SLC24A2: variants seen among roughly 807,000 people sequenced by gnomAD.
SLC24A2 encodes solute carrier family 24 member 2, also known as sodium/potassium/calcium exchanger 2.
In SLC24A2, 36 loss-of-function variants were observed where a neutral mutation model predicts 62.0. The ratio of observed to expected loss-of-function variants is 0.58; its 90% CI spans 0.44 to 0.77. The LOEUF (loss-of-function observed/expected upper bound fraction) is 0.77. Among genes scored for constraint, SLC24A2 ranks in the 30% least tolerant of loss-of-function variants. SLC24A2 has a pLI of 0.00. For synonymous variants in SLC24A2, 358 were observed against 294.0 expected (o/e 1.22, Z -2.23); for missense variants, 846 against 817.9 (o/e 1.03, Z -0.42).
the SLC24A2 span, among the ~76,000 whole-genome samples, chr9:19,831,509 A>C: frequency 1.3e-5 from 2 of 152,240 alleles, no homozygotes; most frequent in African/African-American, 4.8e-5. Context: ...TGCATTTTTA[A>C]AGCATGTCCC....
chr9:20,161,371 T>C, the SLC24A2 span, among the ~76,000 whole-genome samples: 8 of 151,430 alleles, frequency 5.3e-5, no homozygotes, highest in African/African-American at 1.2e-4. Flanking sequence ...TTAAAAATTC[T>C]TTTTGAAGTA....
the SLC24A2 span, among the ~76,000 whole-genome samples, chr9:19,973,066 AGTGGT>A: frequency 6.6e-6 from 1 of 152,172 alleles, no homozygotes; most frequent in Admixed American, 6.5e-5. Context: ...AGCCAGGTGC[AGTGGT>A]GTGCGACTGT....
the SLC24A2 span, among the ~76,000 whole-genome samples, chr9:19,881,090 C>T: frequency 6.6e-6 from 1 of 152,128 alleles, no homozygotes; most frequent in Non-Finnish European, 1.5e-5. Context: ...ATACTTAGAA[C>T]TAGGCACAAA....
chr9:20,144,415 G>C, the SLC24A2 span, among the ~76,000 whole-genome samples: 1 of 152,182 alleles, frequency 6.6e-6, no homozygotes, highest in South Asian at 2.1e-4. Context: ...ACGGATGTCT[G>C]TTAGCTCGCT....
the SLC24A2 span, among the ~76,000 whole-genome samples, chr9:20,144,956 T>G: frequency 6.6e-6 from 1 of 152,136 alleles, no homozygotes; most frequent in Non-Finnish European, 1.5e-5. Context: ...CAAAGAAGGA[T>G]AATAGACTTT....
chr9:19,844,730 G>T, the SLC24A2 span, among the ~76,000 whole-genome samples: 3 of 152,054 alleles, frequency 2.0e-5, no homozygotes, highest in South Asian at 6.2e-4. Context: ...TCATTCTTCT[G>T]CGTAAGGCTA....
At chr9:19,842,312 T>C in the SLC24A2 span, among the ~76,000 whole-genome samples, 1 of 152,184 alleles carries the variant, frequency 6.6e-6, no homozygotes, top group African/African-American at 2.4e-5. Flanking sequence ...TTGAATGAAC[T>C]GGTCTTACTA....
rs972588372 is a variant in SLC24A2 at position 19,757,500 on chromosome 9, T to C, written c.930+28437A>G. ...AAAATTCTAGAAGGCTATTTTTTTC[T>C]TTGTTAGCAAATAGATGCAAAGCAG... On this transcript the variant is annotated intron_variant, in intron 2 of 10. Transcript: ENST00000341998. 3.3e-5 allele frequency among the ~76,000 whole-genome samples: 5 copies of C among 152,212 alleles called. No individual in the cohort carries two copies. The East Asian group carries it at 7.7e-4, about 23-fold the overall frequency.
rs780450451 is a variant in SLC24A2, at chr9:19,756,903, C to CTTTTTTTTTTTT, written c.930+29022_930+29033dup. Among the ~76,000 whole-genome samples the CTTTTTTTTTTTT allele has an allele frequency of 3.9e-4, 31 of 78,538 alleles. 1 individual carries two copies. The highest frequency in any genetic ancestry group is 6.3e-4 in the Admixed American group (3 of 4,754). The allele number at this position is 78,538 out of a possible 152,430, so 51.5% of individuals were successfully genotyped here. A position where few individuals can be genotyped will look rare whatever the true frequency, so the allele number is the denominator to read the frequency against. The stretch of plus-strand genomic sequence containing the variant: ...GATATTCACACTTCTTTTACTGAAG[C>CTTTTTTTTTTTT]TTTTTTTTTTTTTTTTTTTTTTTAG... On this transcript the variant is annotated intron_variant, in intron 2 of 10. Transcript: ENST00000341998.
chr9:20,246,822 C>T, the SLC24A2 span, among the ~76,000 whole-genome samples: 1 of 152,200 alleles, frequency 6.6e-6, no homozygotes, highest in Non-Finnish European at 1.5e-5. Context: ...CAGGAGCACC[C>T]ATGAGGGTTC....
chr9:19,934,051 T>C, the SLC24A2 span, among the ~76,000 whole-genome samples: 1 of 152,232 alleles, frequency 6.6e-6, no homozygotes, highest in African/African-American at 2.4e-5. The surrounding 1 kb of genome is among the most constrained non-coding windows in gnomAD (Gnocchi z 4.1). Flanking sequence ...TTAGTTGTGA[T>C]GGCTACTCAA....
At chr9:20,307,835 G>T in the SLC24A2 span, among the ~76,000 whole-genome samples, 1 of 152,030 alleles carries the variant, frequency 6.6e-6, no homozygotes, top group African/African-American at 2.4e-5. Context: ...AGGGAAGGAG[G>T]GACCGCGGCT....
the SLC24A2 span, among the ~76,000 whole-genome samples, chr9:20,049,133 G>A: frequency 9.3e-4 from 142 of 152,196 alleles, no homozygotes; most frequent in South Asian, 4.3e-3. Context: ...GGCTTATCTA[G>A]CAACAGACAA....
chr9:20,090,295 A>C, the SLC24A2 span, among the ~76,000 whole-genome samples: 1 of 152,060 alleles, frequency 6.6e-6, no homozygotes, highest in Admixed American at 6.5e-5. Flanking sequence ...GGCCACAACC[A>C]CTTCTAAGGT....
the SLC24A2 span, among the ~76,000 whole-genome samples, chr9:20,049,369 T>C: frequency 6.6e-6 from 1 of 152,192 alleles, no homozygotes; most frequent in African/African-American, 2.4e-5. Context: ...AATGAACTTT[T>C]TTTTTCTTGG....
chr9:19,987,035 G>A, the SLC24A2 span, among the ~76,000 whole-genome samples: 1 of 152,054 alleles, frequency 6.6e-6, no homozygotes, highest in Non-Finnish European at 1.5e-5. Flanking sequence ...AGTCAAAGAA[G>A]CAGAACAGGA....
chr9:20,125,847 T>C, the SLC24A2 span, among the ~76,000 whole-genome samples: 1 of 152,206 alleles, frequency 6.6e-6, no homozygotes, highest in African/African-American at 2.4e-5. Context: ...CTTTCTGCTC[T>C]AGCAGGACAG....
the SLC24A2 span, among the ~76,000 whole-genome samples, chr9:19,862,541 A>G: frequency 6.6e-6 from 1 of 151,990 alleles, no homozygotes; most frequent in Non-Finnish European, 1.5e-5. Context: ...AGAAAAACAC[A>G]GAGTGTTATA....
In SLC24A2 at chr9:19,600,976, T is replaced by A. The variant is rs113267786; in HGVS notation, c.1079-3697A>T. 4.6e-4 allele frequency among the ~76,000 whole-genome samples: 70 copies of A among 152,332 alleles called. 1 individual carries two copies. The highest frequency in any genetic ancestry group is 1.6e-3 in the African/African-American group (65 of 41,568). ...TATTGTTTTGAGAAGTGAAGCCAGC[T>A]GGACTTCCTGGGTCTAGTGGGGACT... On this transcript the variant is annotated intron_variant, in intron 4 of 10. Coordinates refer to ENST00000341998, the MANE Select transcript of SLC24A2 (RefSeq NM_020344.4).
Sources: allele counts gnomAD v4.1 joint callset (sites outside exome capture counted in the v4.1 genomes callset), GRCh38; gene constraint gnomAD v4.1.1; non-coding constraint Gnocchi (gnomAD v3.1); transcripts MANE v1.5; gene names NCBI Gene and HGNC (gene_info 2026-07-23, HGNC 2026-07-21).